The following ROCK2 variants were observed in gnomAD, a reference collection of about 807,000 sequenced individuals.
ROCK2 encodes Rho associated coiled-coil containing protein kinase 2, also known as rho-associated protein kinase 2.
A neutral mutation model predicts 195.1 loss-of-function variants in ROCK2; 61 were observed. The ratio of observed to expected loss-of-function variants is 0.31; its 90% CI spans 0.25 to 0.39. ROCK2 has a LOEUF of 0.39. Among genes scored for constraint, ROCK2 ranks in the 10% least tolerant of loss-of-function variants. The pLI is 1.00. For missense variants in ROCK2, 1,109 were observed against 1,637.4 expected (o/e 0.68, Z 5.57); for synonymous variants, 504 against 545.5 (o/e 0.92, Z 1.06).
intron 1 of ROCK2, among the ~76,000 whole-genome samples, chr2:11,292,789 T>A (rs1194696888): frequency 6.6e-6 from 1 of 152,196 alleles, no homozygotes; most frequent in African/African-American, 2.4e-5. Flanking sequence ...TTTGTGTCCC[T>A]GTCCAAATCT....
At chr2:11,215,806 C>G (rs757195481) in intron 13 of ROCK2, among the ~76,000 whole-genome samples, 161 bp from the exon 14 acceptor site, 8 of 152,178 alleles carry the variant, frequency 5.3e-5, no homozygotes, top group Non-Finnish European at 8.8e-5. Context: ...TAAACTAGCA[C>G]ACTACTCTTA....
chr2:11,201,563 C>A lies in ROCK2; in HGVS notation c.2620-150G>T, dbSNP rs1663852954. The A allele has an allele frequency of 5.0e-6, 3 of 594,732 alleles. No individual in the cohort carries two copies. In the South Asian group the frequency reaches 6.5e-5, roughly 13 times the overall value. 36.8% of individuals were successfully genotyped at this position (594,732 alleles called of 1,614,324 possible). The stretch of plus-strand genomic sequence containing the variant: ...GCAAATGAATAGTTTAATGAACTTT[C>A]CTATTTCTAGTCATCAATTAACTAA... On this transcript the variant is annotated intron_variant, in intron 21 of 32. Transcript: ENST00000315872. The surrounding 1 kb of genome is among the most constrained non-coding windows in gnomAD (Gnocchi z 4.6).
intron 1 of ROCK2, among the ~76,000 whole-genome samples, chr2:11,338,683 A>G (rs6708381): frequency 0.011 from 1,676 of 152,268 alleles, 32 homozygotes; most frequent in African/African-American, 0.038. Context: ...CAAAAAACTG[A>G]AAACTAGTCC....
chr2:11,319,015 T>C (rs1668317779), intron 1 of ROCK2, among the ~76,000 whole-genome samples: 1 of 152,218 alleles, frequency 6.6e-6, no homozygotes, highest in Non-Finnish European at 1.5e-5. Flanking sequence ...AGCCTTGTAG[T>C]ATAGTTTGAA....
chr2:11,217,038 AT>A, intron 12 of ROCK2, 51 bp downstream of exon 12: 1 of 961,394 alleles, frequency 1.0e-6, no homozygotes, highest in South Asian at 1.5e-5. Context: ...TTTTCAGTAA[AT>A]GTTTAAACTT....
At chr2:11,206,357 C>T (rs919375034) in intron 20 of ROCK2, among the ~76,000 whole-genome samples, 9 of 151,988 alleles carry the variant, frequency 5.9e-5, no homozygotes, top group Non-Finnish European at 1.3e-4. Context: ...GGGAAGGAAA[C>T]ACAACCTAGA....
At chr2:11,234,427 T>C (rs991901737) in intron 5 of ROCK2, 1 of 152,090 alleles carries the variant, frequency 6.6e-6, no homozygotes, top group Non-Finnish European at 1.5e-5. Context: ...CAGACATAAG[T>C]TTAGCATTCT....
chr2:11,224,833 C>T (rs912094174), intron 6 of ROCK2, among the ~76,000 whole-genome samples: 1 of 151,856 alleles, frequency 6.6e-6, no homozygotes, highest in Non-Finnish European at 1.5e-5. Context: ...GCTGGATCAG[C>T]ATTTTGAAAT....
At position 11,344,400 on chromosome 2, in the gene ROCK2, C is replaced by G. The variant is rs1669218645; in HGVS notation, c.-264G>C. 5 of 1,105,776 alleles carry G rather than the reference C, an allele frequency of 4.5e-6. No homozygotes were observed. Among genetic ancestry groups the G allele is most frequent in the Non-Finnish European group, 4.4e-6 (4 of 907,888 alleles). 68.5% of individuals were successfully genotyped at this position (1,105,776 alleles called of 1,614,324 possible). On this transcript the variant is annotated 5_prime_UTR_variant, in exon 1 of 33. Transcript: ENST00000315872. This position sits in a 1 kb window ranked among gnomAD's most constrained non-coding sequence, Gnocchi z 5.4. ...GGCGTCCCCGCCCCTCAGTCAGATT[C>G]GCGCCGCCGGTCCGCTGGTCCTCAG...
At position 11,180,571 on chromosome 2, in the gene ROCK2, C is replaced by G. The variant is rs897355163; in HGVS notation, c.*2866G>C. The G allele has an allele frequency of 1.3e-4, 20 of 152,144 alleles. No homozygotes were observed. The highest frequency in any genetic ancestry group is 9.8e-4 in the Admixed American group (15 of 15,264). The allele number at this position is 152,144 out of a possible 1,614,324, so 9.4% of individuals were successfully genotyped here. ...GTAATACCGGCACCAGTTTTCCTTT[C>G]ACTTCTGTCTCGTTATCCCCACAAA... On this transcript the variant is annotated 3_prime_UTR_variant, in exon 33 of 33. Coordinates refer to ENST00000315872, the MANE Select transcript of ROCK2 (RefSeq NM_004850.5).
At chr2:11,219,294 G>A (rs1279803703) in intron 9 of ROCK2, among the ~76,000 whole-genome samples, 4 of 123,836 alleles carry the variant, frequency 3.2e-5, no homozygotes, top group Non-Finnish European at 4.8e-5. Context: ...GAGGTCAGGA[G>A]TTCGAGACCA....
At chr2:11,184,856 G>A (rs1190411335) in intron 32 of ROCK2, 15 of 681,336 alleles carry the variant, frequency 2.2e-5, no homozygotes, top group Non-Finnish European at 2.7e-5. Context: ...TACTTTGAAT[G>A]TGCTTGTAAG....
At chr2:11,237,781 A>G (rs1004896368) in intron 4 of ROCK2, among the ~76,000 whole-genome samples, 5 of 152,238 alleles carry the variant, frequency 3.3e-5, no homozygotes, top group African/African-American at 1.2e-4. Context: ...ATAGTTTGAC[A>G]AAATGAAGAA....
At position 11,312,576 on chromosome 2, in the gene ROCK2, C is replaced by G. The variant is rs551920878; in HGVS notation, c.142-24840G>C. Among the ~76,000 whole-genome samples, 3 of 152,148 alleles carry G rather than the reference C, an allele frequency of 2.0e-5. No homozygotes were observed. In the South Asian group the frequency reaches 6.2e-4, roughly 32 times the overall value. ...TCTTTATTGGACTGGTTCTTTCATT[C>G]AGTATAATTCTGAGATTCATCTTTT... On this transcript the variant is annotated intron_variant, in intron 1 of 32. Coordinates refer to ENST00000315872, the MANE Select transcript of ROCK2 (RefSeq NM_004850.5).
At chr2:11,321,262 G>A (rs1027844555) in intron 1 of ROCK2, among the ~76,000 whole-genome samples, 3 of 152,048 alleles carry the variant, frequency 2.0e-5, no homozygotes, top group Admixed American at 6.5e-5. Context: ...TGCAACCTCC[G>A]CCTCCAACGT....
intron 32 of ROCK2, among the ~76,000 whole-genome samples, chr2:11,190,919 A>G (rs1663399150): frequency 6.6e-6 from 1 of 152,192 alleles, no homozygotes; most frequent in Non-Finnish European, 1.5e-5. Context: ...GCTTTAGTCA[A>G]TAATCATTAA....
chr2:11,260,686 T>A (rs1168677738), intron 3 of ROCK2, among the ~76,000 whole-genome samples: 1 of 152,150 alleles, frequency 6.6e-6, no homozygotes, highest in Non-Finnish European at 1.5e-5. Context: ...TATAAAGATA[T>A]CAACAGAAGC....
intron 1 of ROCK2, among the ~76,000 whole-genome samples, chr2:11,294,445 T>G (rs1667453020): frequency 1.3e-5 from 2 of 152,274 alleles, no homozygotes; most frequent in Non-Finnish European, 2.9e-5. Flanking sequence ...GTGTTAATTA[T>G]ATGGTGGAAT....
chr2:11,280,552 C>G (rs1489080652), intron 3 of ROCK2, among the ~76,000 whole-genome samples: 1 of 151,964 alleles, frequency 6.6e-6, no homozygotes, highest in Non-Finnish European at 1.5e-5. Flanking sequence ...ATCACTTGAG[C>G]CCAGGAGGCG....
Sources: allele counts gnomAD v4.1 joint callset (sites outside exome capture counted in the v4.1 genomes callset), GRCh38; gene constraint gnomAD v4.1.1; non-coding constraint Gnocchi (gnomAD v3.1); transcripts MANE v1.5; gene names NCBI Gene and HGNC (gene_info 2026-07-23, HGNC 2026-07-21).